Variants in ARHGAP10 observed in about 807,000 individuals in gnomAD.
The protein encoded by ARHGAP10 is Rho GTPase activating protein 10, also known as rho GTPase-activating protein 10.
A neutral mutation model predicts 108.6 loss-of-function variants in ARHGAP10; 87 were observed. The observed-to-expected ratio is 0.80, with a 90% CI of 0.67 to 0.96. The LOEUF (loss-of-function observed/expected upper bound fraction) is 0.96, where lower values mean the gene tolerates loss of function less well. Ranked by LOEUF, ARHGAP10 falls within the 40% of genes least tolerant of loss-of-function variation. ARHGAP10 has a pLI of 0.00. For missense variants in ARHGAP10, 939 were observed against 954.5 expected (o/e 0.98, Z 0.21); for synonymous variants, 347 against 341.1 (o/e 1.02, Z -0.19).
intron 3 of ARHGAP10, among the ~76,000 whole-genome samples, chr4:147,831,579 C>T (rs1438949345): frequency 6.6e-6 from 1 of 152,182 alleles, no homozygotes; most frequent in Admixed American, 6.5e-5. Context: ...TTTGTGAGAA[C>T]ATTTCTCAGT....
chr4:147,784,681 A>AATATATAT (rs1560756530), intron 1 of ARHGAP10, among the ~76,000 whole-genome samples: 1 of 94,066 alleles, frequency 1.1e-5, no homozygotes, highest in African/African-American at 4.2e-5. Flanking sequence ...TATATTATAA[A>AATATATAT]TATAAAATAT....
chr4:147,973,824 A>G (rs1239467792), intron 18 of ARHGAP10, among the ~76,000 whole-genome samples: 1 of 152,178 alleles, frequency 6.6e-6, no homozygotes, highest in Non-Finnish European at 1.5e-5. Context: ...TTCACTTAAC[A>G]TAATTACCTT....
intron 12 of ARHGAP10, 113 bp downstream of exon 12, chr4:147,909,890 C>T: frequency 8.0e-6 from 8 of 996,882 alleles, no homozygotes; most frequent in Non-Finnish European, 1.2e-5. Context: ...CTCTATTAGA[C>T]AGAGGGGTAT....
intron 17 of ARHGAP10, 63 bp from the exon 18 acceptor site, chr4:147,966,617 A>C: frequency 1.4e-6 from 2 of 1,419,334 alleles, no homozygotes; most frequent in South Asian, 3.2e-5. Flanking sequence ...GTTGCAGACT[A>C]TTTACAGTCC....
chr4:148,063,002 C>T (rs752716069), intron 20 of ARHGAP10, 146 bp from the exon 21 acceptor site: 43 of 999,526 alleles, frequency 4.3e-5, no homozygotes, highest in East Asian at 2.2e-4. Flanking sequence ...GCTGCAGCCC[C>T]GGCAGGATGC....
At chr4:148,060,213 C>A (rs1452250829) in intron 20 of ARHGAP10, among the ~76,000 whole-genome samples, 1 of 152,076 alleles carries the variant, frequency 6.6e-6, no homozygotes. Flanking sequence ...TAATACTTTC[C>A]TCTACCGTTT....
intron 18 of ARHGAP10, among the ~76,000 whole-genome samples, chr4:147,971,457 C>G (rs976883569): frequency 6.6e-6 from 1 of 152,048 alleles, no homozygotes; most frequent in Non-Finnish European, 1.5e-5. Context: ...AGAGAATGAG[C>G]GAGAAAGTGG....
chr4:147,959,515 C>G (rs969300192), intron 16 of ARHGAP10, among the ~76,000 whole-genome samples: 1 of 151,976 alleles, frequency 6.6e-6, no homozygotes, highest in Non-Finnish European at 1.5e-5. Context: ...TATCCCTCCC[C>G]GCTCCCCCCA....
At chr4:147,851,530 A>G (rs11733409) in intron 4 of ARHGAP10, among the ~76,000 whole-genome samples, 105,549 of 152,230 alleles carry the variant, frequency 0.69, 43,169 homozygotes, top group Non-Finnish European at 0.89. Flanking sequence ...TACATTTTAA[A>G]TACAGACTTC....
At chr4:147,998,559 A>G (rs1391315092) in intron 18 of ARHGAP10, among the ~76,000 whole-genome samples, 1 of 152,250 alleles carries the variant, frequency 6.6e-6, no homozygotes, top group Non-Finnish European at 1.5e-5. Flanking sequence ...ACTTACCAAT[A>G]TTATATAGAG....
chr4:148,047,177 T>C, intron 20 of ARHGAP10, 126 bp downstream of exon 20: 1 of 1,157,692 alleles, frequency 8.6e-7, no homozygotes, highest in South Asian at 1.9e-5. Flanking sequence ...TGTTTTCTTA[T>C]CAGAAGGGCC....
At chr4:147,863,256 C>G (rs1401545100) in intron 5 of ARHGAP10, 1 of 152,276 alleles carries the variant, frequency 6.6e-6, no homozygotes, top group African/African-American at 2.4e-5. Context: ...TCTCCATTCT[C>G]CCCTGCTCCA....
At chr4:147,819,579 G>A (rs566280646) in intron 1 of ARHGAP10, among the ~76,000 whole-genome samples, 133 of 150,466 alleles carry the variant, frequency 8.8e-4, no homozygotes, top group African/African-American at 3.1e-3. Context: ...ATGGAGTCTC[G>A]CTCTGTCACC....
intron 20 of ARHGAP10, among the ~76,000 whole-genome samples, chr4:148,056,279 C>G (rs920414824): frequency 6.6e-6 from 1 of 152,164 alleles, no homozygotes; most frequent in Non-Finnish European, 1.5e-5. Flanking sequence ...ATGGAGAGTG[C>G]CAGGTGATTT....
chr4:147,904,353 G>T (rs1386195341), intron 10 of ARHGAP10, among the ~76,000 whole-genome samples: 1 of 151,898 alleles, frequency 6.6e-6, no homozygotes, highest in Admixed American at 6.6e-5. Flanking sequence ...TTTAGCATTA[G>T]GTATATCTCC....
chr4:147,847,254 CAT>C (rs1197632224), intron 4 of ARHGAP10, 32 bp downstream of exon 4: 2 of 1,547,360 alleles, frequency 1.3e-6, no homozygotes, highest in East Asian at 2.2e-5. Flanking sequence ...ACTCAGAAAA[CAT>C]AGATGCCTCT....
chr4:147,974,158 G>T (rs1739510898), intron 18 of ARHGAP10, among the ~76,000 whole-genome samples: 1 of 151,980 alleles, frequency 6.6e-6, no homozygotes. Flanking sequence ...GTGTACAGGG[G>T]TTCTCTTTTC....
chr4:147,953,777 CTTCTT>C (rs972034024), intron 15 of ARHGAP10, among the ~76,000 whole-genome samples: 2 of 151,728 alleles, frequency 1.3e-5, no homozygotes, highest in African/African-American at 4.8e-5. Flanking sequence ...TATTATTTCT[CTTCTT>C]TTGCTTACTT....
At chr4:147,790,060 A>G (rs1731058378) in intron 1 of ARHGAP10, among the ~76,000 whole-genome samples, 1 of 149,392 alleles carries the variant, frequency 6.7e-6, no homozygotes, top group Admixed American at 6.8e-5. Flanking sequence ...AAAATACCAC[A>G]GACTGGGTGG....
Sources: allele counts gnomAD v4.1 joint callset (sites outside exome capture counted in the v4.1 genomes callset), GRCh38; gene constraint gnomAD v4.1.1; transcripts MANE v1.5; gene names NCBI Gene and HGNC (gene_info 2026-07-23, HGNC 2026-07-21).